The following CGNL1 variants were observed in gnomAD, a reference collection of about 807,000 sequenced individuals.
CGNL1 encodes the protein cingulin like 1, also known as cingulin-like protein 1.
CGNL1 carries 132 observed loss-of-function variants against 141.2 expected under a neutral mutation model. The ratio of observed to expected loss-of-function variants is 0.93; its 90% confidence interval spans 0.81 to 1.08. The LOEUF (loss-of-function observed/expected upper bound fraction) is 1.08, where lower values mean the gene tolerates loss of function less well. Among genes scored for constraint, CGNL1 ranks in the 50% least tolerant of loss-of-function variants. The probability of loss-of-function intolerance (pLI) is 0.00; values close to 1 mark genes in which losing one functional copy is unlikely to be tolerated. For missense variants in CGNL1, 1,870 were observed against 1,588.6 expected, an observed-to-expected ratio of 1.18 and a Z score of -3.01; for synonymous variants, 690 against 622.1, an observed-to-expected ratio of 1.11 and a Z score of -1.63.
At chr15:57,491,367 T>C (rs1429724114) in intron 8 of CGNL1, among the ~76,000 whole-genome samples, 1 of 152,316 alleles carries the variant, frequency 6.6e-6, no homozygotes, top group East Asian at 1.9e-4. Context: ...TCAAGCAGCC[T>C]CCTTCCCACA....
At chr15:57,389,293 A>G (rs886113755) in intron 1 of CGNL1, among the ~76,000 whole-genome samples, 9 of 152,238 alleles carry the variant, frequency 5.9e-5, no homozygotes, top group Non-Finnish European at 1.2e-4. Context: ...ACTCCATCTC[A>G]AAAAACAAAA....
At chr15:57,466,211 T>C (rs530599451) in intron 8 of CGNL1, among the ~76,000 whole-genome samples, 1 of 152,348 alleles carries the variant, frequency 6.6e-6, no homozygotes, top group South Asian at 2.1e-4. Context: ...CATGCTTTTT[T>C]CTCTGTTTCT....
chr15:57,406,927 C>G (rs1254758106), intron 1 of CGNL1: 1 of 152,196 alleles, frequency 6.6e-6, no homozygotes. Context: ...TTTAAGTAAG[C>G]TAACTTAAAT....
At chr15:57,413,221 T>TCCTCCCTCCCTC (rs1555431835) in intron 1 of CGNL1, among the ~76,000 whole-genome samples, 7 of 137,020 alleles carry the variant, frequency 5.1e-5, no homozygotes, top group African/African-American at 1.7e-4. Flanking sequence ...CTTCCTCTCT[T>TCCTCCCTCCCTC]CCTCCCTCCC....
chr15:57,431,846 C>T (rs7166594), intron 1 of CGNL1, among the ~76,000 whole-genome samples: 35,332 of 152,026 alleles, frequency 0.23, 4,462 homozygotes, highest in East Asian at 0.42. Context: ...TTGGCCACCC[C>T]GGATTTAGAG....
At chr15:57,446,176 G>A (rs1259228608) in intron 4 of CGNL1, among the ~76,000 whole-genome samples, 4 of 152,180 alleles carry the variant, frequency 2.6e-5, no homozygotes, top group Non-Finnish European at 4.4e-5. Flanking sequence ...AAACAGATAA[G>A]TCTTCAACAA....
intron 14 of CGNL1, among the ~76,000 whole-genome samples, chr15:57,543,475 G>T (rs1429228939): frequency 6.6e-6 from 1 of 152,136 alleles, no homozygotes; most frequent in Non-Finnish European, 1.5e-5. Context: ...GGCTAGCTTT[G>T]ACTCTTACTG....
intron 4 of CGNL1, among the ~76,000 whole-genome samples, chr15:57,444,832 T>A (rs1480814099): frequency 6.6e-6 from 1 of 152,198 alleles, no homozygotes. Flanking sequence ...GTAAGAAGTT[T>A]CCATTTCGGG....
chr15:57,455,689 A>T (rs901634655), intron 7 of CGNL1, among the ~76,000 whole-genome samples: 5 of 152,172 alleles, frequency 3.3e-5, no homozygotes, highest in Admixed American at 6.5e-5. Flanking sequence ...ACCATTTTTT[A>T]AAAAAGGGAA....
Position 57,547,611 on chromosome 15 carries a change from C to T in CGNL1, c.*121C>T. 1 of 1,117,168 alleles carries T rather than the reference C, an allele frequency of 9.0e-7. No individual in the cohort carries two copies. The highest frequency in any genetic ancestry group is 1.5e-5 in the South Asian group (1 of 65,354). 69.2% of individuals were successfully genotyped at this position (1,117,168 alleles called of 1,614,324 possible). ...GACCAATCACAGCCTCTTTGCACAGCATGCCAGCTCCTCAGTGTTACATTC... is the reference window on the plus strand; with the variant it reads ...GACCAATCACAGCCTCTTTGCACAGTATGCCAGCTCCTCAGTGTTACATTC... On this transcript the variant is annotated 3_prime_UTR_variant, in exon 19 of 19. Coordinates refer to ENST00000281282, the MANE Select transcript of CGNL1 (RefSeq NM_032866.5).
intron 1 of CGNL1, among the ~76,000 whole-genome samples, chr15:57,431,170 AT>A (rs1408148661): frequency 6.6e-6 from 1 of 151,986 alleles, no homozygotes; most frequent in African/African-American, 2.4e-5. Context: ...TTATAAGTTT[AT>A]TTTTTCCCCC....
At chr15:57,523,306 C>T (rs1404336778) in intron 10 of CGNL1, among the ~76,000 whole-genome samples, 183 bp from the exon 11 acceptor site, 1 of 152,194 alleles carries the variant, frequency 6.6e-6, no homozygotes, top group Non-Finnish European at 1.5e-5. Context: ...CCTATTTGGT[C>T]CTTGAATTTC....
intron 1 of CGNL1, among the ~76,000 whole-genome samples, chr15:57,436,187 A>C (rs1389496292): frequency 6.6e-6 from 1 of 152,166 alleles, no homozygotes; most frequent in African/African-American, 2.4e-5. Flanking sequence ...TCTTTTTACT[A>C]ACAGAACATT....
rs968317855 is a variant in CGNL1 at position 57,547,664 on chromosome 15, G to A, written c.*174G>A. On this transcript the variant is annotated 3_prime_UTR_variant, in exon 19 of 19. Coordinates refer to ENST00000281282, the MANE Select transcript of CGNL1 (RefSeq NM_032866.5). ...CGCCAGGGTCTCTCAGTGGGTCTTC[G>A]ACAGAGAGCTTTTGCAGTTTAAAAT... 7.1e-5 allele frequency: 47 copies of A among 662,058 alleles called. No individual in the cohort carries two copies. The highest frequency in any genetic ancestry group is 1.0e-4 in the Non-Finnish European group (43 of 412,444). The allele number at this position is 662,058 out of a possible 1,614,324, so 41.0% of individuals were successfully genotyped here. A position where few individuals can be genotyped will look rare whatever the true frequency, so the allele number is the denominator to read the frequency against.
At chr15:57,454,125 A>T (rs763155988) in intron 7 of CGNL1, among the ~76,000 whole-genome samples, 1 of 152,124 alleles carries the variant, frequency 6.6e-6, no homozygotes, top group Non-Finnish European at 1.5e-5. Context: ...TGGGAGAGGG[A>T]ATAAGTATAA....
intron 8 of CGNL1, among the ~76,000 whole-genome samples, chr15:57,471,492 C>T (rs962559333): frequency 1.2e-4 from 19 of 152,192 alleles, no homozygotes; most frequent in African/African-American, 4.6e-4. Context: ...CAGGGCACCT[C>T]GATGACTCAA....
At chr15:57,410,441 C>A (rs1467840193) in intron 1 of CGNL1, among the ~76,000 whole-genome samples, 4 of 152,114 alleles carry the variant, frequency 2.6e-5, no homozygotes. Flanking sequence ...GAGGCTTGAT[C>A]CCTGGGGCTG....
At chr15:57,401,771 T>A (rs2062663016) in intron 1 of CGNL1, among the ~76,000 whole-genome samples, 1 of 152,200 alleles carries the variant, frequency 6.6e-6, no homozygotes, top group South Asian at 2.1e-4. Flanking sequence ...AGTCTTTATA[T>A]TCTCCTCTTC....
intron 14 of CGNL1, among the ~76,000 whole-genome samples, chr15:57,542,935 A>T (rs1372365467): frequency 7.9e-5 from 12 of 152,148 alleles, no homozygotes; most frequent in Non-Finnish European, 5.9e-5. Flanking sequence ...GCTCCTTCTG[A>T]GGGTTGTTTG....
Sources: gnomAD v4.1 joint callset for allele counts (sites outside exome capture counted in the v4.1 genomes callset) on GRCh38, gnomAD v4.1.1 for gene constraint, MANE v1.5 for transcripts, NCBI Gene and HGNC (gene_info 2026-07-23, HGNC 2026-07-21) for gene names.